The following UBE4B variants were observed in gnomAD, a reference collection of about 807,000 sequenced individuals.
UBE4B encodes the protein ubiquitination factor E4B.
UBE4B carries 27 observed loss-of-function variants against 148.1 expected under a neutral mutation model. That is an observed-to-expected ratio of 0.18 (90% CI 0.13 to 0.25). The LOEUF (loss-of-function observed/expected upper bound fraction) is 0.25, where lower values mean the gene tolerates loss of function less well. Among genes scored for constraint, UBE4B ranks in the 10% least tolerant of loss-of-function variants. UBE4B has a pLI of 1.00. For missense variants in UBE4B, 1,170 were observed against 1,662.4 expected, an observed-to-expected ratio of 0.70 and a Z score of 5.15; for synonymous variants, 596 against 619.3, an observed-to-expected ratio of 0.96 and a Z score of 0.56.
At chr1:10,050,176 A>G (rs886231135) in intron 1 of UBE4B, among the ~76,000 whole-genome samples, 2 of 151,974 alleles carry the variant, frequency 1.3e-5, no homozygotes, top group African/African-American at 2.4e-5. Context: ...GGTTCAAGCA[A>G]TTCTCCTGCC....
At chr1:10,063,364 C>T (rs1220353821) in intron 1 of UBE4B, among the ~76,000 whole-genome samples, 1 of 152,214 alleles carries the variant, frequency 6.6e-6, no homozygotes, top group Non-Finnish European at 1.5e-5. Flanking sequence ...CTAATCATAA[C>T]CCATCTTCTT....
intron 2 of UBE4B, among the ~76,000 whole-genome samples, chr1:10,080,841 A>G (rs1203226868): frequency 6.6e-6 from 1 of 152,180 alleles, no homozygotes; most frequent in Non-Finnish European, 1.5e-5. Context: ...TTTCACTCAT[A>G]CGTGGGAGCT....
intron 17 of UBE4B, among the ~76,000 whole-genome samples, chr1:10,140,629 C>T (rs1259765999): frequency 2.0e-5 from 3 of 152,156 alleles, no homozygotes; most frequent in East Asian, 1.9e-4. Flanking sequence ...TTAGAGGGTC[C>T]ATTTCAATGG....
intron 20 of UBE4B, among the ~76,000 whole-genome samples, 181 bp from the exon 21 acceptor site, chr1:10,151,142 GACA>G (rs1645969012): frequency 6.7e-6 from 1 of 149,918 alleles, no homozygotes; most frequent in Non-Finnish European, 1.5e-5. Context: ...CAGCCTGGGC[GACA>G]GAGCGAGACT....
intron 2 of UBE4B, among the ~76,000 whole-genome samples, chr1:10,093,105 C>G (rs1430696577): frequency 6.6e-6 from 1 of 152,146 alleles, no homozygotes; most frequent in Non-Finnish European, 1.5e-5. Context: ...ACTACAGATA[C>G]AGTTTTTAAA....
intron 25 of UBE4B, among the ~76,000 whole-genome samples, chr1:10,174,429 G>A (rs1234660584): frequency 2.0e-5 from 3 of 149,646 alleles, no homozygotes; most frequent in Admixed American, 6.7e-5. Context: ...GGCTGGGTGC[G>A]GTGGCTCACA....
At chr1:10,169,976 C>T (rs1390540207) in intron 24 of UBE4B, among the ~76,000 whole-genome samples, 1 of 152,204 alleles carries the variant, frequency 6.6e-6, no homozygotes, top group East Asian at 1.9e-4. Flanking sequence ...GATCACGCCA[C>T]TCCAACCTGG....
At chr1:10,133,712 A>T (rs1645632745) in intron 15 of UBE4B, among the ~76,000 whole-genome samples, 1 of 151,660 alleles carries the variant, frequency 6.6e-6, no homozygotes, top group African/African-American at 2.4e-5. Context: ...GGCATTTGAG[A>T]CCAGCCCTGG....
intron 22 of UBE4B, among the ~76,000 whole-genome samples, chr1:10,160,596 G>A (rs80010879): frequency 0.022 from 3,385 of 152,218 alleles, 75 homozygotes; most frequent in South Asian, 0.075. Flanking sequence ...GTCATCAGCC[G>A]TGCAAGGTGG....
chr1:10,178,946 TC>T, intron 26 of UBE4B, 128 bp downstream of exon 26: 1 of 1,015,254 alleles, frequency 9.8e-7, no homozygotes, highest in Non-Finnish European at 1.4e-6. Flanking sequence ...AGACAATCTG[TC>T]TTAAATTACA....
chr1:10,156,920 G>A (rs1479434481), intron 21 of UBE4B, among the ~76,000 whole-genome samples: 3 of 152,008 alleles, frequency 2.0e-5, no homozygotes, highest in Admixed American at 6.6e-5. Context: ...TGTAATCTCA[G>A]TACTTTGGAA....
chr1:10,055,075 C>T (rs1330129863), intron 1 of UBE4B, among the ~76,000 whole-genome samples: 4 of 151,998 alleles, frequency 2.6e-5, no homozygotes, highest in African/African-American at 7.2e-5. Flanking sequence ...TGTGAGCCAC[C>T]GCACCCGGCG....
rs1261498406 is a variant in UBE4B at position 10,181,181 on chromosome 1, G to A, written c.*1225G>A. The A allele has an allele frequency of 2.7e-5, 4 of 146,740 alleles. No individual in the cohort carries two copies. The highest frequency in any genetic ancestry group is 3.6e-3 in the Middle Eastern group (1 of 278). 9.1% of individuals were successfully genotyped at this position (146,740 alleles called of 1,614,324 possible). A position where few individuals can be genotyped will look rare whatever the true frequency, so the allele number is the denominator to read the frequency against. ...TTCCTTTTTTCCCTCCACAGACAATGTCCTCTGTTCAATTCCTAACGCAAA... is the reference window on the plus strand; with the variant it reads ...TTCCTTTTTTCCCTCCACAGACAATATCCTCTGTTCAATTCCTAACGCAAA... On this transcript the variant is annotated 3_prime_UTR_variant, in exon 28 of 28. Transcript: ENST00000343090.
Position 10,033,142 on chromosome 1 carries a change from G to C in UBE4B, c.-529G>C, listed in dbSNP as rs1643362709. ...GGGGCGTGGCCGGCCTGCTTTGGGAGGGGAGGGGCTTCCCTTACAGTGCTG... is the reference window on the plus strand; with the variant it reads ...GGGGCGTGGCCGGCCTGCTTTGGGACGGGAGGGGCTTCCCTTACAGTGCTG... On this transcript the variant is annotated 5_prime_UTR_variant, in exon 1 of 28. Coordinates refer to ENST00000343090, the MANE Select transcript of UBE4B (RefSeq NM_001105562.3). The C allele has an allele frequency of 1.3e-5, 2 of 152,618 alleles. No individual in the cohort carries two copies. The highest frequency in any genetic ancestry group is 4.8e-5 in the African/African-American group (2 of 41,602). The allele number at this position is 152,618 out of a possible 1,614,324, so 9.5% of individuals were successfully genotyped here. A position where few individuals can be genotyped will look rare whatever the true frequency, so the allele number is the denominator to read the frequency against.
intron 23 of UBE4B, among the ~76,000 whole-genome samples, chr1:10,165,075 G>C (rs1438203123): frequency 6.6e-6 from 1 of 152,050 alleles, no homozygotes; most frequent in Non-Finnish European, 1.5e-5. Flanking sequence ...TTAAATACCT[G>C]TGTTCTAAAG....
chr1:10,093,718 G>A (rs546728113), intron 2 of UBE4B, among the ~76,000 whole-genome samples: 96 of 148,796 alleles, frequency 6.5e-4, no homozygotes, highest in South Asian at 1.3e-3. Context: ...TTTTTGAGAC[G>A]GAGTCTTGCT....
chr1:10,093,090 A>G lies in UBE4B; in HGVS notation c.212-2371A>G, dbSNP rs540770920. ...TACAGTATTATTGTACACATACTAT[A>G]CTATACTACAGATACAGTTTTTAAA... On this transcript the variant is annotated intron_variant, in intron 2 of 27. Coordinates refer to ENST00000343090, the MANE Select transcript of UBE4B (RefSeq NM_001105562.3). 8.5e-5 allele frequency among the ~76,000 whole-genome samples: 13 copies of G among 152,352 alleles called. No homozygotes were observed. The South Asian group carries it at 2.7e-3, about 32-fold the overall frequency.
chr1:10,052,187 C>T (rs1644060922), intron 1 of UBE4B, among the ~76,000 whole-genome samples: 1 of 152,050 alleles, frequency 6.6e-6, no homozygotes. Context: ...CCACCTCAGC[C>T]TCCCGAGTAG....
intron 2 of UBE4B, among the ~76,000 whole-genome samples, chr1:10,094,742 A>AT (rs1644904726): frequency 6.6e-6 from 1 of 151,998 alleles, no homozygotes; most frequent in Non-Finnish European, 1.5e-5. Flanking sequence ...CCTCATTAAC[A>AT]TTTTATTATA....
Sources: allele counts gnomAD v4.1 joint callset (sites outside exome capture counted in the v4.1 genomes callset), GRCh38; gene constraint gnomAD v4.1.1; transcripts MANE v1.5; gene names NCBI Gene and HGNC (gene_info 2026-07-23, HGNC 2026-07-21).